Variants in FRMD4A observed in about 807,000 individuals in gnomAD.
FRMD4A encodes FERM domain containing 4A, also known as FERM domain-containing protein 4A.
In FRMD4A, 29 loss-of-function variants were observed where a neutral mutation model predicts 129.1. The ratio of observed to expected loss-of-function variants is 0.22; its 90% CI spans 0.17 to 0.31. The LOEUF is 0.31. FRMD4A is among the 10% of genes least tolerant of loss of function. The pLI is 1.00. For synonymous variants in FRMD4A, 634 were observed against 571.6 expected, an observed-to-expected ratio of 1.11 and a Z score of -1.56; for missense variants, 1,272 against 1,375.8, an observed-to-expected ratio of 0.92 and a Z score of 1.19.
intron 3 of FRMD4A, among the ~76,000 whole-genome samples, chr10:13,848,751 G>T (rs988027012): frequency 1.3e-5 from 2 of 152,066 alleles, no homozygotes; most frequent in Admixed American, 1.3e-4. Flanking sequence ...TCTAACCAGG[G>T]CAGAAAGAAA....
rs1237623078 is a variant in FRMD4A at position 13,674,999 on chromosome 10, A to G, written c.1163T>C (p.Leu388Pro). The part of the protein sequence containing the change: ...DSSQSAKKDM[L>P]AALKSRQEAL... ...TTCCTGCCTGGACTTCAAGGCAGCCAGCATGTCCTTCTTGGCCGACTGCGA... is the reference window on the plus strand; with the variant it reads ...TTCCTGCCTGGACTTCAAGGCAGCCGGCATGTCCTTCTTGGCCGACTGCGA... Residue 388 changes from leucine to proline, a missense_variant, in exon 16 of 25, where the codon CTG becomes CCG. Around this residue, in one of 2 missense-constraint regions of FRMD4A, gnomAD observed 300 missense variants for 483.6 expected, o/e 0.62. Coordinates refer to ENST00000357447, the MANE Select transcript of FRMD4A (RefSeq NM_018027.5). The G allele has an allele frequency of 6.2e-7, 1 of 1,614,024 alleles. No homozygotes were observed. The highest frequency in any genetic ancestry group is 1.1e-5 in the South Asian group (1 of 91,084).
At chr10:14,048,245 A>T (rs1834073353) in intron 2 of FRMD4A, among the ~76,000 whole-genome samples, 1 of 152,182 alleles carries the variant, frequency 6.6e-6, no homozygotes, top group Non-Finnish European at 1.5e-5. Flanking sequence ...TAGTCAAGCC[A>T]GAGCACACGA....
At chr10:14,254,690 A>AAT (rs1277759740) in intron 2 of FRMD4A, among the ~76,000 whole-genome samples, 13 of 152,026 alleles carry the variant, frequency 8.6e-5, no homozygotes, top group African/African-American at 3.1e-4. Context: ...CTATCATAAA[A>AAT]ATAACAGATG....
chr10:13,689,198 C>CGGGGGGGTGGGGGGGGGGGGGGGGG (rs2085398998), intron 15 of FRMD4A, among the ~76,000 whole-genome samples: 1 of 68,028 alleles, frequency 1.5e-5, no homozygotes, highest in Non-Finnish European at 3.2e-5. Flanking sequence ...AAACTCTTTG[C>CGGGGGGGTGGGGGGGGGGGGGGGGG]GGGGGGGGGG....
At chr10:14,136,266 A>T (rs1839530303) in intron 2 of FRMD4A, among the ~76,000 whole-genome samples, 1 of 152,088 alleles carries the variant, frequency 6.6e-6, no homozygotes, top group African/African-American at 2.4e-5. Context: ...CTCCCAGTTT[A>T]CTCCTAAATA....
chr10:13,698,117 AAAG>A (rs1388640420), intron 14 of FRMD4A, among the ~76,000 whole-genome samples: 3 of 150,908 alleles, frequency 2.0e-5, no homozygotes, highest in East Asian at 4.0e-4. Flanking sequence ...AGGCAGAGAG[AAAG>A]AAGGAGAGAT....
intron 3 of FRMD4A, among the ~76,000 whole-genome samples, chr10:13,817,186 T>G (rs956817713): frequency 4.8e-4 from 73 of 152,218 alleles, no homozygotes; most frequent in African/African-American, 1.7e-3. Flanking sequence ...AACCTGGGCT[T>G]CAGCCATGTG....
At chr10:13,660,666 C>G (rs1020063655) in intron 19 of FRMD4A, 113 bp from the exon 20 acceptor site, 8 of 686,352 alleles carry the variant, frequency 1.2e-5, no homozygotes, top group Non-Finnish European at 1.8e-5. Flanking sequence ...CAAACCCACA[C>G]CTTCACCCCT....
At chr10:13,746,036 G>A (rs1419887563) in intron 9 of FRMD4A, among the ~76,000 whole-genome samples, 2 of 152,206 alleles carry the variant, frequency 1.3e-5, no homozygotes, top group Non-Finnish European at 2.9e-5. Context: ...TATAATTAGA[G>A]AAAGCCATCA....
At chr10:14,100,964 C>T (rs1045787629) in intron 2 of FRMD4A, among the ~76,000 whole-genome samples, 5 of 152,094 alleles carry the variant, frequency 3.3e-5, no homozygotes, top group Admixed American at 3.3e-4. Context: ...GTCCTCACAA[C>T]GTGTGGGTTG....
intron 12 of FRMD4A, 171 bp from the exon 13 acceptor site, chr10:13,707,284 A>C: frequency 1.2e-6 from 1 of 839,588 alleles, no homozygotes. Context: ...ACACACACAC[A>C]CGCAGCTCTC....
chr10:13,872,840 T>C (rs1564949728), intron 2 of FRMD4A, among the ~76,000 whole-genome samples: 1 of 152,206 alleles, frequency 6.6e-6, no homozygotes, highest in Non-Finnish European at 1.5e-5. Context: ...GGCAAGTATC[T>C]ACCTTTTCTT....
At chr10:14,271,223 G>A (rs571371889) in intron 2 of FRMD4A, among the ~76,000 whole-genome samples, 15 of 152,176 alleles carry the variant, frequency 9.9e-5, no homozygotes, top group Admixed American at 6.5e-4. Context: ...ACATTTCAAC[G>A]TGAGATTCAG....
chr10:13,677,894 A>C (rs1289398844), intron 15 of FRMD4A, among the ~76,000 whole-genome samples: 4 of 152,258 alleles, frequency 2.6e-5, no homozygotes, highest in Non-Finnish European at 5.9e-5. Flanking sequence ...ACTTGGGTCC[A>C]AGAAGATTAA....
At chr10:13,853,288 T>C (rs1256346143) in intron 3 of FRMD4A, among the ~76,000 whole-genome samples, 2 of 152,188 alleles carry the variant, frequency 1.3e-5, no homozygotes, top group African/African-American at 4.8e-5. Flanking sequence ...GCCTGCCATC[T>C]TAACACTTTG....
chr10:14,123,683 G>A (rs1240074041), intron 2 of FRMD4A, among the ~76,000 whole-genome samples: 1 of 152,180 alleles, frequency 6.6e-6, no homozygotes, highest in African/African-American at 2.4e-5. Flanking sequence ...TCACCTTTCA[G>A]AGCCTTCAAG....
At chr10:14,054,009 C>T (rs572317787) in intron 2 of FRMD4A, among the ~76,000 whole-genome samples, 6 of 151,798 alleles carry the variant, frequency 4.0e-5, no homozygotes, top group Non-Finnish European at 8.8e-5. Flanking sequence ...CCTGTCCCTA[C>T]AAAATTTTTT....
intron 12 of FRMD4A, among the ~76,000 whole-genome samples, chr10:13,718,370 C>T (rs907925314): frequency 6.6e-6 from 1 of 152,248 alleles, no homozygotes; most frequent in African/African-American, 2.4e-5. Flanking sequence ...AGATAGGAGG[C>T]GGTGGGCCTG....
At chr10:13,905,473 A>T (rs1044763883) in intron 2 of FRMD4A, among the ~76,000 whole-genome samples, 1 of 152,228 alleles carries the variant, frequency 6.6e-6, no homozygotes, top group African/African-American at 2.4e-5. Flanking sequence ...AAGAGAAAGG[A>T]AAGTACCTTT....
Sources: gnomAD v4.1 joint callset for allele counts (sites outside exome capture counted in the v4.1 genomes callset) on GRCh38, gnomAD v4.1.1 for gene constraint, gnomAD v4.1.1 regional missense constraint, MANE v1.5 for transcripts, NCBI Gene and HGNC (gene_info 2026-07-23, HGNC 2026-07-21) for gene names.